Variants in PPP2R2B observed in about 807,000 individuals in gnomAD.
The protein encoded by PPP2R2B is serine/threonine-protein phosphatase 2A 55 kDa regulatory subunit B beta isoform.
PPP2R2B carries 5 observed loss-of-function variants against 46.0 expected under a neutral mutation model. That is an observed-to-expected ratio of 0.11 (90% CI 0.06 to 0.23). The LOEUF (loss-of-function observed/expected upper bound fraction) is 0.23, where lower values mean the gene tolerates loss of function less well. PPP2R2B is among the 10% of genes least tolerant of loss of function. The pLI, the probability that PPP2R2B is intolerant of heterozygous loss-of-function variation, is 1.00. For missense variants in PPP2R2B, 367 were observed against 575.0 expected (o/e 0.64, Z 3.70); for synonymous variants, 215 against 206.7 (o/e 1.04, Z -0.34).
rs201593853 is a variant in PPP2R2B at position 146,698,132 on chromosome 5, C to T, written c.181G>A (p.Val61Ile). Residue 61 changes from valine to isoleucine, a missense_variant, in exon 4 of 10, where the codon GTT becomes ATT. Val to Ile is a conservative substitution (Grantham distance 29). This residue lies in a region of PPP2R2B where 361 missense variants were observed against 545.5 expected (regional missense o/e 0.66). Transcript: ENST00000394411. ...ACATTGTATTCACCCCTACGATGAA[C>T]CTGATTTTTACTCTGTAGGAAAGGA... ...FQREQESKNQ[V>I]HRRGEYNVYS... The T allele has an allele frequency of 4.4e-6, 7 of 1,594,320 alleles. No individual in the cohort carries two copies. In the Admixed American group the frequency reaches 7.2e-5, roughly 16 times the overall value.
intron 5 of PPP2R2B, among the ~76,000 whole-genome samples, 198 bp from the exon 6 acceptor site, chr5:146,650,922 C>T (rs967704153): frequency 6.6e-6 from 1 of 152,204 alleles, no homozygotes; most frequent in Non-Finnish European, 1.5e-5. Flanking sequence ...AAAGATATCA[C>T]CATCACTTAG....
chr5:146,700,419 T>C (rs1779461482), intron 3 of PPP2R2B, among the ~76,000 whole-genome samples: 1 of 152,160 alleles, frequency 6.6e-6, no homozygotes, highest in African/African-American at 2.4e-5. Flanking sequence ...GTGAAACCCA[T>C]GTCTCAGGAA....
intron 2 of PPP2R2B, among the ~76,000 whole-genome samples, chr5:147,077,635 T>C (rs760843698): frequency 8.5e-5 from 13 of 152,276 alleles, no homozygotes; most frequent in Non-Finnish European, 1.9e-4. Context: ...TCAACTTCCA[T>C]TGAGGCAGTG....
intron 2 of PPP2R2B, among the ~76,000 whole-genome samples, chr5:147,069,139 G>A (rs1037627479): frequency 5.3e-5 from 8 of 152,046 alleles, no homozygotes; most frequent in African/African-American, 1.9e-4. Flanking sequence ...ATTGCTTTTG[G>A]GCGCTGAACA....
chr5:146,852,051 A>C, intron 2 of PPP2R2B, among the ~76,000 whole-genome samples: 1 of 152,140 alleles, frequency 6.6e-6, no homozygotes, highest in South Asian at 2.1e-4. Flanking sequence ...TTGAAGCATG[A>C]GACCAGAGTG....
chr5:146,899,813 C>G (rs911492651), intron 1 of PPP2R2B, among the ~76,000 whole-genome samples: 1 of 151,890 alleles, frequency 6.6e-6, no homozygotes, highest in Non-Finnish European at 1.5e-5. Context: ...CAGGAGTGTT[C>G]GAGATTAAAA....
At chr5:146,962,530 AC>A (rs1752219171) in intron 1 of PPP2R2B, among the ~76,000 whole-genome samples, 1 of 151,850 alleles carries the variant, frequency 6.6e-6, no homozygotes, top group East Asian at 1.9e-4. Flanking sequence ...GGTGGCACAC[AC>A]CTGTAATCCT....
intron 1 of PPP2R2B, among the ~76,000 whole-genome samples, chr5:146,966,338 A>G (rs1752406340): frequency 6.6e-6 from 1 of 152,166 alleles, no homozygotes; most frequent in Non-Finnish European, 1.5e-5. Context: ...TCTTGTCCAC[A>G]CTGATTTCAG....
chr5:146,607,194 A>G (rs1309559454), intron 7 of PPP2R2B: 1 of 152,208 alleles, frequency 6.6e-6, no homozygotes, highest in East Asian at 1.9e-4. Flanking sequence ...CCAGTGAGAG[A>G]AACGGCCAAC....
At chr5:146,627,329 G>A (rs1044473651) in intron 7 of PPP2R2B, among the ~76,000 whole-genome samples, 1 of 152,200 alleles carries the variant, frequency 6.6e-6, no homozygotes, top group African/African-American at 2.4e-5. Flanking sequence ...ATTCATTGCA[G>A]TTGCTGTCTC....
intron 1 of PPP2R2B, among the ~76,000 whole-genome samples, chr5:146,944,078 G>A (rs1411653216): frequency 6.6e-6 from 1 of 152,126 alleles, no homozygotes; most frequent in Non-Finnish European, 1.5e-5. Context: ...TCTCTTTAAA[G>A]GAGTAAATGA....
chr5:147,022,685 T>A (rs1755338865), intron 1 of PPP2R2B, among the ~76,000 whole-genome samples: 1 of 151,770 alleles, frequency 6.6e-6, no homozygotes, highest in East Asian at 1.9e-4. Context: ...TGAAAACCAA[T>A]TACAAAGATA....
In PPP2R2B at chr5:146,698,116, T is replaced by A; in HGVS notation, c.197A>T (p.Glu66Val). Reference protein sequence around the residue: ...ESKNQVHRRGEYNVYSTFQSH... With the variant: ...ESKNQVHRRGVYNVYSTFQSH... ...CTGGAATGTGCTGTAAACATTGTAT[T>A]CACCCCTACGATGAACCTGATTTTT... Residue 66 changes from glutamate (E) to valine (V), a missense_variant, in exon 4 of 10, where the codon GAA becomes GTA. By Grantham distance (121) the Glu-to-Val change is moderately radical. This residue lies in a region of PPP2R2B where 361 missense variants were observed against 545.5 expected (regional missense o/e 0.66). Transcript: ENST00000394411. 1 of 1,607,572 alleles carries A rather than the reference T, an allele frequency of 6.2e-7. No individual in the cohort carries two copies. The highest frequency in any genetic ancestry group is 8.5e-7 in the Non-Finnish European group (1 of 1,177,722).
chr5:146,999,205 T>G (rs906858514), intron 1 of PPP2R2B, among the ~76,000 whole-genome samples: 2 of 152,082 alleles, frequency 1.3e-5, no homozygotes, highest in African/African-American at 2.4e-5. Context: ...AAGATGAGGC[T>G]CCTGCCATCA....
At chr5:147,010,495 T>C (rs181972966) in intron 1 of PPP2R2B, among the ~76,000 whole-genome samples, 2 of 152,244 alleles carry the variant, frequency 1.3e-5, no homozygotes, top group East Asian at 1.9e-4. Context: ...TGGGAGACAG[T>C]GACAGATTTT....
At chr5:146,674,874 A>C (rs906996826) in intron 5 of PPP2R2B, among the ~76,000 whole-genome samples, 2 of 152,200 alleles carry the variant, frequency 1.3e-5, no homozygotes, top group African/African-American at 4.8e-5. Context: ...TTGCTGTACA[A>C]GTTAGTAGTT....
intron 2 of PPP2R2B, among the ~76,000 whole-genome samples, chr5:146,777,665 T>C (rs1755267123): frequency 6.6e-6 from 1 of 152,194 alleles, no homozygotes; most frequent in South Asian, 2.1e-4. Context: ...AAGAAGTCTA[T>C]TATAAACATC....
chr5:146,804,871 C>A, intron 2 of PPP2R2B, among the ~76,000 whole-genome samples: 1 of 151,990 alleles, frequency 6.6e-6, no homozygotes, highest in East Asian at 1.9e-4. Flanking sequence ...TGAGGCTGGG[C>A]AGAAACAAGG....
intron 1 of PPP2R2B, among the ~76,000 whole-genome samples, chr5:146,947,350 C>A (rs1764515671): frequency 6.6e-6 from 1 of 152,176 alleles, no homozygotes; most frequent in Non-Finnish European, 1.5e-5. Flanking sequence ...GTTTAGACAT[C>A]TGTGCAGTCT....
Sources: gnomAD v4.1 joint callset for allele counts (sites outside exome capture counted in the v4.1 genomes callset) on GRCh38, gnomAD v4.1.1 for gene constraint, gnomAD v4.1.1 regional missense constraint, MANE v1.5 for transcripts, NCBI Gene and HGNC (gene_info 2026-07-23, HGNC 2026-07-21) for gene names.